The following IRAG2 variants were observed in gnomAD, a reference collection of about 807,000 sequenced individuals.
IRAG2 encodes the protein inositol 1,4,5-triphosphate receptor associated 2.
Under a neutral mutation model 69.9 loss-of-function variants are expected in IRAG2, and 45 were observed. The observed-to-expected ratio is 0.64, with a 90% CI of 0.51 to 0.83. The LOEUF (loss-of-function observed/expected upper bound fraction) is 0.83, where lower values mean the gene tolerates loss of function less well. Ranked by LOEUF, IRAG2 falls within the 40% of genes least tolerant of loss-of-function variation. IRAG2 has a pLI of 0.00. For synonymous variants in IRAG2, 193 were observed against 202.4 expected (o/e 0.95, Z 0.40); for missense variants, 520 against 587.0 (o/e 0.89, Z 1.18).
intron 16 of IRAG2, among the ~76,000 whole-genome samples, chr12:25,043,267 G>C (rs1347499608): frequency 6.6e-6 from 1 of 152,168 alleles, no homozygotes; most frequent in African/African-American, 2.4e-5. Flanking sequence ...GAAACCTCCA[G>C]CTCTCAGCTT....
chr12:25,019,309 C>T (rs1944557383), intron 6 of IRAG2, among the ~76,000 whole-genome samples: 1 of 152,150 alleles, frequency 6.6e-6, no homozygotes, highest in South Asian at 2.1e-4. Flanking sequence ...CCTCTTGGTA[C>T]CCAGGTTCTT....
Position 25,077,482 on chromosome 12 carries a change from C to T in IRAG2, c.25-1762C>T, listed in dbSNP as rs1051622994. 3.4e-5 allele frequency among the ~76,000 whole-genome samples: 5 copies of T among 148,720 alleles called. No individual in the cohort carries two copies. In the East Asian group the frequency reaches 7.8e-4, roughly 23 times the overall value. ...AAATATTTTAAAATAGGGCCATTAT[C>T]ACGTAACTACAATTTAAGGTACAGT... On this transcript the variant is annotated intron_variant, in intron 6 of 21. Transcript: ENST00000556887.
upstream of IRAG2, among the ~76,000 whole-genome samples, chr12:25,003,191 A>G (rs962308010): frequency 6.6e-6 from 1 of 151,202 alleles, no homozygotes; most frequent in African/African-American, 2.5e-5. Flanking sequence ...TTCATTCTCT[A>G]TTAGGGGATT....
At chr12:25,074,988 G>A (rs752440133) in intron 6 of IRAG2, among the ~76,000 whole-genome samples, 3 of 152,128 alleles carry the variant, frequency 2.0e-5, no homozygotes, top group Non-Finnish European at 4.4e-5. Context: ...AAATAACATT[G>A]CCAGTTGCAA....
chr12:25,052,684 C>T (rs1190057142), upstream of IRAG2: 1 of 397,596 alleles, frequency 2.5e-6, no homozygotes, highest in African/African-American at 2.1e-5. Context: ...TATCACTTCC[C>T]TGAGAAGAAA....
intron 1 of IRAG2, among the ~76,000 whole-genome samples, chr12:25,054,692 C>T (rs1945119971): frequency 6.6e-6 from 1 of 152,058 alleles, no homozygotes. Flanking sequence ...CATAACCTGT[C>T]CAGATTTATG....
intron 14 of IRAG2, 131 bp from the exon 15 acceptor site, chr12:25,096,779 G>T: frequency 1.5e-6 from 1 of 681,508 alleles, no homozygotes; most frequent in East Asian, 2.7e-5. Flanking sequence ...ATTGATCTTT[G>T]CTGCTTCTTT....
chr12:25,009,531 G>A (rs996193445), intron 2 of IRAG2, among the ~76,000 whole-genome samples: 5 of 152,168 alleles, frequency 3.3e-5, no homozygotes, highest in Middle Eastern at 3.2e-3. Flanking sequence ...AGGGCTCTCT[G>A]GTGGGAAGAG....
intron 6 of IRAG2, among the ~76,000 whole-genome samples, chr12:25,071,926 G>A (rs1946365501): frequency 6.6e-6 from 1 of 152,048 alleles, no homozygotes; most frequent in Admixed American, 6.5e-5. Context: ...GAGCTGGGCT[G>A]GGCGCAGTGG....
chr12:25,049,865 C>T (rs1424823634), upstream of IRAG2, among the ~76,000 whole-genome samples: 1 of 151,036 alleles, frequency 6.6e-6, no homozygotes, highest in Non-Finnish European at 1.5e-5. Flanking sequence ...CGCCTGTAGT[C>T]CTAGCTACCC....
In IRAG2 at chr12:25,079,745, C is replaced by T; in HGVS notation, c.226C>T (p.Pro76Ser). Reference sequence around the variant, plus strand: ...AGAGGAGGATACAAGATCAGCTTCTCCCACGATAGAGGCCCAAGGTAAAAT... The same window carrying T: ...AGAGGAGGATACAAGATCAGCTTCTTCCACGATAGAGGCCCAAGGTAAAAT... ...KKEEDTRSAS[P>S]TIEAQGTSPA... The change falls in exon 9 of 22, where the codon CCC (proline) becomes TCC (serine). Residue 76 changes from proline (P) to serine (S), a missense_variant. By Grantham distance (74) the Pro-to-Ser change is moderately conservative. Coordinates refer to ENST00000556887, the MANE Select transcript of IRAG2 (RefSeq NM_001366544.2). The T allele has an allele frequency of 6.2e-7, 1 of 1,613,070 alleles. No homozygotes were observed. Among genetic ancestry groups the T allele is most frequent in the Non-Finnish European group, 8.5e-7 (1 of 1,179,066 alleles).
At chr12:25,009,011 A>C (rs1944453595) in intron 2 of IRAG2, among the ~76,000 whole-genome samples, 1 of 152,174 alleles carries the variant, frequency 6.6e-6, no homozygotes, top group African/African-American at 2.4e-5. Flanking sequence ...CTGCTTTAAA[A>C]ATTATAATAT....
At chr12:25,039,112 C>G (rs893367940) in intron 16 of IRAG2, among the ~76,000 whole-genome samples, 2 of 152,288 alleles carry the variant, frequency 1.3e-5, no homozygotes, top group African/African-American at 4.8e-5. Context: ...TAGGACCATA[C>G]TTAGCACTTA....
At chr12:25,038,526 C>T (rs1944721776) in intron 16 of IRAG2, among the ~76,000 whole-genome samples, 1 of 151,814 alleles carries the variant, frequency 6.6e-6, no homozygotes, top group Admixed American at 6.6e-5. Context: ...CCTGTAATCC[C>T]AGCTACTTGG....
upstream of IRAG2, among the ~76,000 whole-genome samples, chr12:25,049,028 C>T (rs905508421): frequency 3.9e-5 from 6 of 152,166 alleles, no homozygotes; most frequent in East Asian, 1.2e-3. Context: ...TTGTTTTTGT[C>T]AGGTTTGTCA....
chr12:25,017,437 G>A (rs1282228258), intron 6 of IRAG2: 12 of 812,270 alleles, frequency 1.5e-5, no homozygotes, highest in Non-Finnish European at 6.6e-6. Flanking sequence ...ATATTCTCTG[G>A]CTGGGCATGG....
chr12:25,028,012 G>GCAA (rs2139843922), intron 9 of IRAG2, among the ~76,000 whole-genome samples: 1 of 152,052 alleles, frequency 6.6e-6, no homozygotes, highest in Non-Finnish European at 1.5e-5. Context: ...TGCAACCTCT[G>GCAA]CCTCCAGGTT....
At chr12:25,050,552 C>A (rs10842452), upstream of IRAG2, among the ~76,000 whole-genome samples, 67,007 of 97,334 alleles carry the variant, frequency 0.69, 23,164 homozygotes, top group South Asian at 0.83. Flanking sequence ...AACAAACAAA[C>A]AAAAAAAAAC....
chr12:25,100,020 A>AAAAAAAAAAAAAAAAAAAAG (rs1565588270), intron 15 of IRAG2, among the ~76,000 whole-genome samples: 1 of 150,290 alleles, frequency 6.7e-6, no homozygotes, highest in Non-Finnish European at 1.5e-5. Flanking sequence ...AAAAAAAAAA[A>AAAAAAAAAAAAAAAAAAAAG]AAAAATGGGC....
Sources: allele counts gnomAD v4.1 joint callset (sites outside exome capture counted in the v4.1 genomes callset), GRCh38; gene constraint gnomAD v4.1.1; transcripts MANE v1.5; gene names NCBI Gene and HGNC (gene_info 2026-07-23, HGNC 2026-07-21).